Variants in LOXHD1 observed in about 807,000 individuals in gnomAD.
LOXHD1 encodes the protein lipoxygenase homology domain-containing protein 1.
Under a neutral mutation model 248.2 loss-of-function variants are expected in LOXHD1, and 205 were observed. That is an observed-to-expected ratio of 0.83 (90% CI 0.74 to 0.93). LOXHD1 has a LOEUF of 0.93. Ranked by LOEUF, LOXHD1 falls within the 40% of genes least tolerant of loss-of-function variation. LOXHD1 has a pLI of 0.00. For missense variants in LOXHD1, 2,930 were observed against 2,971.6 expected, an observed-to-expected ratio of 0.99 and a Z score of 0.33; for synonymous variants, 1,113 against 1,162.8, an observed-to-expected ratio of 0.96 and a Z score of 0.87.
In LOXHD1 at chr18:46,654,404, C is replaced by T. The variant is rs115475290; in HGVS notation, c.130+2500G>A. Among the ~76,000 whole-genome samples, 1,192 of 152,270 alleles carry T rather than the reference C, an allele frequency of 7.8e-3. 16 individuals carry two copies. The highest frequency in any genetic ancestry group is 0.028 in the African/African-American group (1,161 of 41,548). On this transcript the variant is annotated intron_variant, in intron 1 of 40. Transcript: ENST00000642948. ...TAGGATGCAGGAGAGGAGATGCCTC[C>T]GGGGCTGGAAGCCTGTGCAGGGTGG...
intron 40 of LOXHD1, among the ~76,000 whole-genome samples, chr18:46,482,151 T>C (rs1042749262): frequency 5.3e-5 from 8 of 152,326 alleles, no homozygotes; most frequent in African/African-American, 1.4e-4. Flanking sequence ...TTGATTGTAC[T>C]TGAGCTGGGC....
intron 13 of LOXHD1, among the ~76,000 whole-genome samples, chr18:46,578,283 C>A (rs898087039): frequency 1.3e-5 from 2 of 152,140 alleles, no homozygotes; most frequent in Admixed American, 6.5e-5. Context: ...GTTTTGCTCA[C>A]CACTGAGGCA....
At chr18:46,513,409 G>A (rs552757815) in intron 34 of LOXHD1, among the ~76,000 whole-genome samples, 108 of 152,332 alleles carry the variant, frequency 7.1e-4, no homozygotes, top group Middle Eastern at 6.8e-3. Flanking sequence ...CTTTGCAGAT[G>A]TAATTAAGTT....
chr18:46,519,021 G>A, intron 33 of LOXHD1: 3 of 985,508 alleles, frequency 3.0e-6, no homozygotes, highest in Non-Finnish European at 3.6e-6. Context: ...GGAGGGTGAG[G>A]CGCAGCCTGC....
At chr18:46,603,041 G>A (rs16939734) in intron 7 of LOXHD1, among the ~76,000 whole-genome samples, 4,398 of 152,180 alleles carry the variant, frequency 0.029, 230 homozygotes, top group African/African-American at 0.1. Context: ...AGCCCGCAAT[G>A]CTGAGGTTGA....
intron 17 of LOXHD1, 107 bp downstream of exon 17, chr18:46,566,150 C>G (rs1404235864): frequency 7.9e-7 from 1 of 1,258,020 alleles, no homozygotes; most frequent in African/African-American, 1.5e-5. Context: ...ACCCTACCAG[C>G]AGCACTTGTC....
chr18:46,593,497 CA>C, intron 10 of LOXHD1, 102 bp downstream of exon 10: 1 of 1,352,104 alleles, frequency 7.4e-7, no homozygotes, highest in Non-Finnish European at 1.0e-6. Context: ...TTTTTGTCTT[CA>C]AACTTGGTCC....
In LOXHD1 at chr18:46,657,081, CCTCACA is replaced by C; in HGVS notation, c.-54_-49del. Reference sequence around the variant, plus strand: ...CGCTCGCAGGCTCACTGTGCCGCCTCCTCACACCTGCGGGAACCTGAGACCTCCTCC... The same window carrying C: ...CGCTCGCAGGCTCACTGTGCCGCCTCCCTGCGGGAACCTGAGACCTCCTCC... On this transcript the variant is annotated 5_prime_UTR_variant, in exon 1 of 41. Transcript: ENST00000642948. The C allele has an allele frequency of 6.4e-7, 1 of 1,551,214 alleles. No individual in the cohort carries two copies. The highest frequency in any genetic ancestry group is 1.2e-5 in the South Asian group (1 of 84,024).
chr18:46,503,828 C>T (rs2034390581), intron 37 of LOXHD1, among the ~76,000 whole-genome samples: 1 of 152,104 alleles, frequency 6.6e-6, no homozygotes, highest in Non-Finnish European at 1.5e-5. Flanking sequence ...GATAAAGAGG[C>T]TGCCTCTCAT....
chr18:46,477,128 C>G (rs942745254), downstream of LOXHD1: 5 of 715,906 alleles, frequency 7.0e-6, no homozygotes, highest in African/African-American at 8.8e-5. Flanking sequence ...TAAAATACAC[C>G]ATCTTGATGG....
chr18:46,624,743 C>T (rs532946809), intron 4 of LOXHD1, among the ~76,000 whole-genome samples: 2 of 152,270 alleles, frequency 1.3e-5, no homozygotes, highest in Non-Finnish European at 2.9e-5. Context: ...ACACAAGGCA[C>T]TGGGACGATG....
chr18:46,552,991 C>T (rs1299304894), intron 21 of LOXHD1, among the ~76,000 whole-genome samples: 8 of 152,212 alleles, frequency 5.3e-5, no homozygotes, highest in African/African-American at 1.9e-4. Context: ...CTCATGAAGG[C>T]CCATCTCAGA....
At chr18:46,543,471 G>A (rs948314402) in intron 23 of LOXHD1, among the ~76,000 whole-genome samples, 1 of 152,038 alleles carries the variant, frequency 6.6e-6, no homozygotes, top group African/African-American at 2.4e-5. Flanking sequence ...AGAACATGAG[G>A]TTTTTTTACA....
intron 28 of LOXHD1, among the ~76,000 whole-genome samples, chr18:46,531,704 C>G (rs2036079620): frequency 6.6e-6 from 1 of 152,238 alleles, no homozygotes; most frequent in African/African-American, 2.4e-5. Context: ...CCACCCAGGC[C>G]ACCCGGTGCA....
Position 46,639,679 on chromosome 18 carries a change from C to T in LOXHD1, c.448G>A (p.Glu150Lys), listed in dbSNP as rs1193026285. ...FNCNNWLSKV[E>K]GDRQWCRDLL... Reference sequence around the variant, plus strand: ...TCACGGCACCACTGGCGGTCACCTTCCACCTTGCTCAGCCAGTTGTTGCAG... The same window carrying T: ...TCACGGCACCACTGGCGGTCACCTTTCACCTTGCTCAGCCAGTTGTTGCAG... Residue 150 changes from glutamate to lysine, a missense_variant, in exon 4 of 41, where the codon GAA (glutamate) becomes AAA (lysine). Coordinates refer to ENST00000642948, the MANE Select transcript of LOXHD1 (RefSeq NM_001384474.1). 1 of 1,551,770 alleles carries T rather than the reference C, an allele frequency of 6.4e-7. No homozygotes were observed. The highest frequency in any genetic ancestry group is 8.7e-7 in the Non-Finnish European group (1 of 1,147,006).
In LOXHD1 at chr18:46,629,792, TAAAAAAAA is replaced by T. The variant is rs774591794; in HGVS notation, c.511+9816_511+9823del. ...CAGCTCCAGCTTTCTCACTGGGCAT[TAAAAAAAA>T]AAAAAAAGAAAAAAAGAAAGAAAGA... On this transcript the variant is annotated intron_variant, in intron 4 of 40. Transcript: ENST00000642948. 1.2e-4 allele frequency among the ~76,000 whole-genome samples: 15 copies of T among 126,732 alleles called. 1 individual carries two copies. The South Asian group carries it at 3.7e-3, about 31-fold the overall frequency. 83.1% of individuals were successfully genotyped at this position (126,732 alleles called of 152,430 possible). A position where few individuals can be genotyped will look rare whatever the true frequency, so the allele number is the denominator to read the frequency against.
chr18:46,640,726 T>C (rs1232059403), intron 3 of LOXHD1, among the ~76,000 whole-genome samples: 1 of 152,204 alleles, frequency 6.6e-6, no homozygotes, highest in Non-Finnish European at 1.5e-5. Context: ...TCAAGTGTAA[T>C]AGCCACATAT....
chr18:46,598,420 T>A (rs951248622), intron 8 of LOXHD1, among the ~76,000 whole-genome samples: 6 of 152,050 alleles, frequency 3.9e-5, no homozygotes, highest in African/African-American at 1.4e-4. Context: ...TTATCTACTA[T>A]TAATCCTACT....
intron 7 of LOXHD1, among the ~76,000 whole-genome samples, chr18:46,603,108 C>T (rs887624642): frequency 3.3e-5 from 5 of 151,966 alleles, no homozygotes; most frequent in Admixed American, 3.3e-4. Flanking sequence ...AAAGGTCTGC[C>T]AAGGAGCATG....
Sources: gnomAD v4.1 joint callset for allele counts (sites outside exome capture counted in the v4.1 genomes callset) on GRCh38, gnomAD v4.1.1 for gene constraint, MANE v1.5 for transcripts, NCBI Gene and HGNC (gene_info 2026-07-23, HGNC 2026-07-21) for gene names.